DHX38: variants seen among roughly 807,000 people sequenced by gnomAD.
DHX38 encodes pre-mRNA-splicing factor ATP-dependent RNA helicase PRP16.
DHX38 carries 100 observed loss-of-function variants against 153.1 expected under a neutral mutation model. The ratio of observed to expected loss-of-function variants is 0.65; its 90% confidence interval spans 0.56 to 0.77. The LOEUF is 0.77. Ranked by LOEUF, DHX38 falls within the 30% of genes least tolerant of loss-of-function variation. The probability of loss-of-function intolerance (pLI) is 0.00; values close to 1 mark genes in which losing one functional copy is unlikely to be tolerated. For synonymous variants in DHX38, 650 were observed against 631.7 expected (o/e 1.03, Z -0.43); for missense variants, 1,440 against 1,654.0 (o/e 0.87, Z 2.24).
intron 12 of DHX38, among the ~76,000 whole-genome samples, 193 bp downstream of exon 12, chr16:72,103,404 G>A (rs2042127041): frequency 6.6e-6 from 1 of 152,248 alleles, no homozygotes; most frequent in Non-Finnish European, 1.5e-5. Context: ...TAGCTCACCT[G>A]TTTAAACCTC....
chr16:72,097,943 G>C (rs558767894), intron 4 of DHX38, among the ~76,000 whole-genome samples, 162 bp downstream of exon 4: 16 of 152,276 alleles, frequency 1.1e-4, no homozygotes, highest in Middle Eastern at 3.4e-3. Context: ...GCACAGCTCT[G>C]CACTTGGGGT....
Position 72,096,454 on chromosome 16 carries a change from G to A in DHX38, c.297G>A (p.Gln99=), listed in dbSNP as rs1460061472. 2.6e-5 allele frequency: 42 copies of A among 1,613,100 alleles called. No homozygotes were observed. The highest frequency in any genetic ancestry group is 3.4e-5 in the Non-Finnish European group (40 of 1,179,674). Residue 99 remains glutamine (Q), a synonymous_variant, in exon 2 of 27, where the codon CAG becomes CAA. Transcript: ENST00000268482. ...QKDAEEEGGD[Q]AGQNIRKDRH... ...ATGCTGAGGAAGAGGGCGGTGACCAGGCTGGCCAAAATATCCGGAAAGACA... is the reference window on the plus strand; with the variant it reads ...ATGCTGAGGAAGAGGGCGGTGACCAAGCTGGCCAAAATATCCGGAAAGACA...
intron 11 of DHX38, 150 bp from the exon 12 acceptor site, chr16:72,102,924 T>C (rs1216585959): frequency 8.9e-6 from 10 of 1,118,342 alleles, no homozygotes; most frequent in Non-Finnish European, 7.7e-6. Flanking sequence ...CTGAGGTCGA[T>C]GAGAACCATC....
At chr16:72,110,894 G>A (rs529788991) in intron 25 of DHX38, 62 bp from the exon 26 acceptor site, 95 of 1,513,900 alleles carry the variant, frequency 6.3e-5, no homozygotes, top group South Asian at 1.3e-4. Context: ...CTTGGGTGCC[G>A]ACGAGGCCTC....
Position 72,106,111 on chromosome 16 carries a change from G to A in DHX38, c.2594G>A (p.Cys865Tyr), listed in dbSNP as rs774001433. 1.2e-6 allele frequency: 2 copies of A among 1,614,126 alleles called. No individual in the cohort carries two copies. The highest frequency in any genetic ancestry group is 8.5e-7 in the Non-Finnish European group (1 of 1,180,030). Residue 865 changes from cysteine to tyrosine, a missense_variant, in exon 19 of 27, where the codon TGT becomes TAT. Transcript: ENST00000268482. ...GCCGGCAGGACGGGCCCAGGTCAGT[G>A]TTTCAGGTAGGAGCCCTGTGCTAGC... ...GRAGRTGPGQ[C>Y]FRLYTQSAYK... is the part of the protein sequence containing the mutation.
At position 72,107,373 on chromosome 16, in the gene DHX38, C is replaced by T. The variant is rs767975851; in HGVS notation, c.2634C>T (p.Leu878=). 27 of 1,612,694 alleles carry T rather than the reference C, an allele frequency of 1.7e-5. No individual in the cohort carries two copies. Among genetic ancestry groups the T allele is most frequent in the African/African-American group, 1.3e-5 (1 of 74,896 alleles). The change falls in exon 20 of 27, where the codon CTC becomes CTT. Residue 878 remains leucine (L), a synonymous_variant. Transcript: ENST00000268482. The surrounding 1 kb of genome is among the most constrained non-coding windows in gnomAD (Gnocchi z 5.3). ...CCCAGAGCGCCTACAAGAATGAGCT[C>T]CTGACCACCACAGTGCCCGAGATCC... is the stretch of plus-strand genomic sequence containing the variant. ...LYTQSAYKNE[L]LTTTVPEIQR...
rs1334997519 is a variant in DHX38 at position 72,101,411 on chromosome 16, G to C, written c.1387-89G>C. 5 of 1,344,986 alleles carry C rather than the reference G, an allele frequency of 3.7e-6. No individual in the cohort carries two copies. The African/African-American group carries it at 7.2e-5, about 19-fold the overall frequency. The allele number at this position is 1,344,986 out of a possible 1,614,324, so 83.3% of individuals were successfully genotyped here. Reference sequence around the variant, plus strand: ...CACTCTGGGGGAGTTTACCACCTGCGGGGTGAAGTCTGCTCTCCCGTGGGA... The same window carrying C: ...CACTCTGGGGGAGTTTACCACCTGCCGGGTGAAGTCTGCTCTCCCGTGGGA... On this transcript the variant is annotated intron_variant, in intron 10 of 26. Coordinates refer to ENST00000268482, the MANE Select transcript of DHX38 (RefSeq NM_014003.4).
chr16:72,095,894 G>T (rs1015756057), intron 1 of DHX38, among the ~76,000 whole-genome samples: 3 of 147,168 alleles, frequency 2.0e-5, no homozygotes, highest in East Asian at 4.0e-4. Flanking sequence ...GAATGTATGG[G>T]GTGTGTGTGT....
chr16:72,101,316 C>A (rs1420639498), intron 10 of DHX38, 123 bp downstream of exon 10: 7 of 1,208,736 alleles, frequency 5.8e-6, no homozygotes, highest in Non-Finnish European at 5.9e-6. Context: ...TCCTTAGGCC[C>A]GACAGCTGCG....
At chr16:72,099,331 G>A (rs986734853) in intron 7 of DHX38, 51 bp downstream of exon 7, 2 of 1,494,848 alleles carry the variant, frequency 1.3e-6, no homozygotes, top group Non-Finnish European at 1.8e-6. Context: ...GCCGTCTGTA[G>A]ATGGGTGACC....
chr16:72,098,094 A>G (rs1317877421), intron 4 of DHX38, among the ~76,000 whole-genome samples: 1 of 152,236 alleles, frequency 6.6e-6, no homozygotes, highest in African/African-American at 2.4e-5. Flanking sequence ...GTTTGTAGAG[A>G]TAAAGTAAAT....
chr16:72,111,699 C>T (rs987599741), intron 26 of DHX38, among the ~76,000 whole-genome samples: 5 of 152,234 alleles, frequency 3.3e-5, no homozygotes, highest in Non-Finnish European at 5.9e-5. Flanking sequence ...CTCAGGACCA[C>T]GTCCCCCCGT....
chr16:72,112,320 A>T lies in DHX38; in HGVS notation c.3600-93A>T. On this transcript the variant is annotated intron_variant, in intron 26 of 26. Coordinates refer to ENST00000268482, the MANE Select transcript of DHX38 (RefSeq NM_014003.4). Reference sequence around the variant, plus strand: ...GGCCCAGAGCTCCCCACCATGGGTTAGGAACAGTAAGTCCTGGGGCTCTGC... The same window carrying T: ...GGCCCAGAGCTCCCCACCATGGGTTTGGAACAGTAAGTCCTGGGGCTCTGC... 3 of 1,270,812 alleles carry T rather than the reference A, an allele frequency of 2.4e-6. No individual in the cohort carries two copies. In the South Asian group the frequency reaches 3.6e-5, roughly 15 times the overall value. 78.7% of individuals were successfully genotyped at this position (1,270,812 alleles called of 1,614,324 possible). A position where few individuals can be genotyped will look rare whatever the true frequency, so the allele number is the denominator to read the frequency against.
rs898528409 is a variant in DHX38 at position 72,101,119 on chromosome 16, T to G, written c.1312T>G (p.Ser438Ala). ...GGTGATTCCAGTGAAGGATGCTACT[T>G]CTGACCTGGCCATCATTGCTCGGAA... ...EPVIPVKDAT[S>A]DLAIIARKGS... The change falls in exon 10 of 27, where the codon TCT becomes GCT. Residue 438 changes from serine (S) to alanine (A), a missense_variant. Around this residue, in one of 6 missense-constraint regions of DHX38, gnomAD observed 241 missense variants for 229.5 expected, o/e 1.05. Coordinates refer to ENST00000268482, the MANE Select transcript of DHX38 (RefSeq NM_014003.4). 6 of 1,614,148 alleles carry G rather than the reference T, an allele frequency of 3.7e-6. No homozygotes were observed. In the African/African-American group the frequency reaches 6.7e-5, roughly 18 times the overall value.
intron 6 of DHX38, 58 bp from the exon 7 acceptor site, chr16:72,099,146 C>G: frequency 6.3e-7 from 1 of 1,591,384 alleles, no homozygotes; most frequent in South Asian, 1.1e-5. Flanking sequence ...GCAGATCTGT[C>G]TGGGGCCGCT....
chr16:72,112,892 T>TTTA lies in DHX38; in HGVS notation c.*401_*403dup, dbSNP rs760630819. The TTTA allele has an allele frequency of 1.4e-6, 1 of 695,426 alleles. No homozygotes were observed. Among genetic ancestry groups the TTTA allele is most frequent in the Non-Finnish European group, 2.6e-6 (1 of 380,840 alleles). 43.1% of individuals were successfully genotyped at this position (695,426 alleles called of 1,614,324 possible). A position where few individuals can be genotyped will look rare whatever the true frequency, so the allele number is the denominator to read the frequency against. Reference sequence around the variant, plus strand: ...TTATAATTCAGGATTTGGAAATAAATTTATTATTTGTAAAACATGACTGCA... The same window carrying TTTA: ...TTATAATTCAGGATTTGGAAATAAATTTATTATTATTTGTAAAACATGACTGCA... On this transcript the variant is annotated 3_prime_UTR_variant, in exon 27 of 27. Coordinates refer to ENST00000268482, the MANE Select transcript of DHX38 (RefSeq NM_014003.4).
At chr16:72,105,700 C>T in intron 18 of DHX38, 76 bp downstream of exon 18, 1 of 1,441,160 alleles carries the variant, frequency 6.9e-7, no homozygotes, top group Non-Finnish European at 9.7e-7. Flanking sequence ...AAGCCAGGGC[C>T]TCGCTCCTGG....
Position 72,097,130 on chromosome 16 carries a change from C to T in DHX38, c.511+121C>T, listed in dbSNP as rs560957594. On this transcript the variant is annotated intron_variant, in intron 3 of 26. Transcript: ENST00000268482. The stretch of plus-strand genomic sequence containing the variant: ...TAGGGAGTCCTATTTGCATGATGTC[C>T]GCCTGAGTGGTTTTGACCCTGCTGG... 40 of 1,150,650 alleles carry T rather than the reference C, an allele frequency of 3.5e-5. No individual in the cohort carries two copies. In the African/African-American group the frequency reaches 3.6e-4, roughly 10 times the overall value. The allele number at this position is 1,150,650 out of a possible 1,614,324, so 71.3% of individuals were successfully genotyped here. A position where few individuals can be genotyped will look rare whatever the true frequency, so the allele number is the denominator to read the frequency against.
chr16:72,102,355 C>T (rs1411088749), intron 11 of DHX38, among the ~76,000 whole-genome samples: 1 of 152,138 alleles, frequency 6.6e-6, no homozygotes, highest in Non-Finnish European at 1.5e-5. Context: ...AAATAGGAAG[C>T]TCAGCAGAGC....
Sources: gnomAD v4.1 joint callset for allele counts (sites outside exome capture counted in the v4.1 genomes callset) on GRCh38, gnomAD v4.1.1 for gene constraint, gnomAD v4.1.1 regional missense constraint, Gnocchi (gnomAD v3.1) non-coding constraint, MANE v1.5 for transcripts, NCBI Gene and HGNC (gene_info 2026-07-23, HGNC 2026-07-21) for gene names.